Variants in AP3B1 observed in about 807,000 individuals in gnomAD.
AP3B1 encodes the protein AP-3 complex subunit beta-1.
Under a neutral mutation model 132.5 loss-of-function variants are expected in AP3B1, and 61 were observed. The ratio of observed to expected loss-of-function variants is 0.46; its 90% CI spans 0.37 to 0.57. The LOEUF (loss-of-function observed/expected upper bound fraction) is 0.57, where lower values mean the gene tolerates loss of function less well. Among genes scored for constraint, AP3B1 ranks in the 20% least tolerant of loss-of-function variants. The pLI, the probability that AP3B1 is intolerant of heterozygous loss-of-function variation, is 0.00. For missense variants in AP3B1, 1,120 were observed against 1,289.4 expected (o/e 0.87, Z 2.01); for synonymous variants, 388 against 438.3 (o/e 0.89, Z 1.43).
At chr5:78,127,983 A>G in intron 17 of AP3B1, 47 bp downstream of exon 17, 3 of 1,603,772 alleles carry the variant, frequency 1.9e-6, no homozygotes, top group Non-Finnish European at 2.6e-6. Flanking sequence ...GCTATCCTAG[A>G]GTCTTCCACT....
intron 12 of AP3B1, 71 bp downstream of exon 12, chr5:78,165,539 T>A: frequency 9.7e-7 from 1 of 1,028,484 alleles, no homozygotes. Flanking sequence ...TATTTCTAGA[T>A]AGAAAAAGAT....
chr5:78,080,448 ATTTTCT>A (rs1749942621), intron 22 of AP3B1, among the ~76,000 whole-genome samples: 1 of 141,818 alleles, frequency 7.1e-6, no homozygotes, highest in Non-Finnish European at 1.5e-5. Context: ...GTAGTTTCCA[ATTTTCT>A]TTTTTTTTTT....
At chr5:78,048,919 C>A (rs402883) in intron 22 of AP3B1, among the ~76,000 whole-genome samples, 2 of 151,984 alleles carry the variant, frequency 1.3e-5, no homozygotes, top group Admixed American at 6.6e-5. Flanking sequence ...AGAATGCCCC[C>A]TTCCCCCACT....
chr5:78,144,644 G>A (rs1237951605), intron 14 of AP3B1, among the ~76,000 whole-genome samples: 2 of 152,252 alleles, frequency 1.3e-5, no homozygotes, highest in Admixed American at 1.3e-4. Flanking sequence ...GAGAAAGGGT[G>A]GGTAACTTGT....
intron 2 of AP3B1, among the ~76,000 whole-genome samples, chr5:78,249,579 C>CTTTTTTTTTTTTTTTTTTTTTT: frequency 9.5e-6 from 1 of 105,074 alleles, no homozygotes; most frequent in Non-Finnish European, 1.9e-5. Context: ...TTTTCTTTTT[C>CTTTTTTTTTTTTTTTTTTTTTT]TTTTTTTTTT....
chr5:78,013,949 G>A (rs991622125), intron 26 of AP3B1, among the ~76,000 whole-genome samples: 44 of 152,118 alleles, frequency 2.9e-4, no homozygotes, highest in African/African-American at 1.1e-3. Context: ...GGATCATGAG[G>A]TCAGGAGATC....
chr5:78,096,944 C>G (rs1750839405), intron 21 of AP3B1, among the ~76,000 whole-genome samples: 2 of 144,816 alleles, frequency 1.4e-5, no homozygotes. Context: ...GGCGCCTCTG[C>G]CCAGCCGCCC....
intron 21 of AP3B1, among the ~76,000 whole-genome samples, chr5:78,099,652 G>A (rs139006654): frequency 0.014 from 2,120 of 152,136 alleles, 58 homozygotes; most frequent in African/African-American, 0.048. Context: ...ATCCCAGCAC[G>A]TTGGGAAGCC....
chr5:78,125,330 T>A (rs1752412377), intron 17 of AP3B1, among the ~76,000 whole-genome samples: 1 of 152,114 alleles, frequency 6.6e-6, no homozygotes, highest in Non-Finnish European at 1.5e-5. Context: ...TCTGACTAGG[T>A]TCCCAGTCAT....
chr5:78,246,807 T>C (rs1196922233), intron 2 of AP3B1, among the ~76,000 whole-genome samples: 1 of 152,232 alleles, frequency 6.6e-6, no homozygotes, highest in African/African-American at 2.4e-5. Flanking sequence ...TGTTTTTCTC[T>C]ACTCAATTTC....
intron 7 of AP3B1, among the ~76,000 whole-genome samples, chr5:78,212,096 A>G (rs560285483): frequency 6.6e-6 from 1 of 152,296 alleles, no homozygotes; most frequent in Admixed American, 6.5e-5. Context: ...CCTGGCCAAC[A>G]TGCCGAAACC....
chr5:78,168,800 A>G (rs1007952548), intron 11 of AP3B1, among the ~76,000 whole-genome samples: 6 of 152,212 alleles, frequency 3.9e-5, no homozygotes, highest in African/African-American at 1.4e-4. Flanking sequence ...ATGTATAATA[A>G]AAGGATCCAG....
Position 78,089,512 on chromosome 5 carries a change from GCC to G in AP3B1, c.2471-15_2471-14del. On this transcript the variant is annotated splice_polypyrimidine_tract_variant and intron_variant, in intron 21 of 26. Coordinates refer to ENST00000255194, the MANE Select transcript of AP3B1 (RefSeq NM_003664.5). ...GATACTGGGTTAACTGTAAGAAAAG[GCC>G]CAAATTAGTAAATGTGCATGAACGT... 1.3e-6 allele frequency: 2 copies of G among 1,520,678 alleles called. No homozygotes were observed. Among genetic ancestry groups the G allele is most frequent in the Non-Finnish European group, 1.8e-6 (2 of 1,094,930 alleles). The allele number at this position is 1,520,678 out of a possible 1,614,324, so 94.2% of individuals were successfully genotyped here.
intron 12 of AP3B1, 145 bp from the exon 13 acceptor site, chr5:78,163,096 A>C: frequency 1.3e-6 from 1 of 776,798 alleles, no homozygotes; most frequent in East Asian, 2.6e-5. Context: ...GTGATGATGT[A>C]GATTAATTTC....
At position 78,010,872 on chromosome 5, in the gene AP3B1, T is replaced by C. The variant is rs539631797; in HGVS notation, c.3131+4538A>G. Among the ~76,000 whole-genome samples the C allele has an allele frequency of 8.0e-4, 121 of 151,644 alleles. 1 individual carries two copies. The South Asian group carries it at 0.018, about 23-fold the overall frequency. The stretch of plus-strand genomic sequence containing the variant: ...AAGACCTTCACAATGTATATCTCAT[T>C]AAAATAAATTTGAATATCTTACACA... On this transcript the variant is annotated intron_variant, in intron 26 of 26. Transcript: ENST00000255194.
chr5:78,173,444 G>A (rs939890984), intron 11 of AP3B1, among the ~76,000 whole-genome samples: 1 of 152,064 alleles, frequency 6.6e-6, no homozygotes, highest in Non-Finnish European at 1.5e-5. Context: ...GGTGCTCCTG[G>A]ATTGGGTGCA....
intron 7 of AP3B1, among the ~76,000 whole-genome samples, chr5:78,195,209 G>T (rs554196224): frequency 6.6e-6 from 1 of 152,122 alleles, no homozygotes; most frequent in African/African-American, 2.4e-5. Context: ...ATGAAATCTT[G>T]GAATGGGGTA....
intron 26 of AP3B1, 141 bp downstream of exon 26, chr5:78,015,269 C>T (rs767194588): frequency 2.0e-5 from 17 of 863,158 alleles, no homozygotes; most frequent in Non-Finnish European, 2.5e-5. Context: ...AACAACTATA[C>T]CATCAGAAAA....
At position 78,244,237 on chromosome 5, in the gene AP3B1, C is replaced by A. The variant is rs145252039; in HGVS notation, c.205-3301G>T. On this transcript the variant is annotated intron_variant, in intron 2 of 26. Coordinates refer to ENST00000255194, the MANE Select transcript of AP3B1 (RefSeq NM_003664.5). ...GCTGAAACCCTGTCTCTACTAAAAA[C>A]ACACACATACACACACAAACACAAA... Among the ~76,000 whole-genome samples the A allele has an allele frequency of 4.5e-3, 681 of 151,946 alleles. 4 individuals are homozygous for A. Among genetic ancestry groups the A allele is most frequent in the Middle Eastern group, 0.024 (7 of 294 alleles).
Sources: gnomAD v4.1 joint callset for allele counts (sites outside exome capture counted in the v4.1 genomes callset) on GRCh38, gnomAD v4.1.1 for gene constraint, MANE v1.5 for transcripts, NCBI Gene and HGNC (gene_info 2026-07-23, HGNC 2026-07-21) for gene names.